ADARB2: variants seen among roughly 807,000 people sequenced by gnomAD.
ADARB2 encodes adenosine deaminase RNA specific B2 (inactive).
ADARB2 carries 25 observed loss-of-function variants against 62.2 expected under a neutral mutation model. The observed-to-expected ratio is 0.40, with a 90% CI of 0.29 to 0.56. The LOEUF is 0.56. Among genes scored for constraint, ADARB2 ranks in the 20% least tolerant of loss-of-function variants. The pLI is 0.43. For synonymous variants in ADARB2, 572 were observed against 500.8 expected (o/e 1.14, Z -1.90); for missense variants, 1,071 against 1,077.4 (o/e 0.99, Z 0.08).
In ADARB2 at chr10:1,344,509, G is replaced by A. The variant is rs1468640301; in HGVS notation, c.1077+18519C>T. The stretch of plus-strand genomic sequence containing the variant: ...CAAGAATTGTCACAAAGCATAAATG[G>A]GCGCTGAACGCTGAGTATAAGAGGG... On this transcript the variant is annotated intron_variant, in intron 3 of 9. Coordinates refer to ENST00000381312, the MANE Select transcript of ADARB2 (RefSeq NM_018702.4). 2.9e-4 allele frequency among the ~76,000 whole-genome samples: 44 copies of A among 152,216 alleles called. 1 individual carries two copies. Among genetic ancestry groups the A allele is most frequent in the Admixed American group, 2.9e-3 (44 of 15,286 alleles).
intron 3 of ADARB2, among the ~76,000 whole-genome samples, chr10:1,293,974 G>C (rs925907786): frequency 6.6e-6 from 1 of 151,994 alleles, no homozygotes; most frequent in Non-Finnish European, 1.5e-5. Flanking sequence ...GCTTGCAGGG[G>C]GGCGGGGGCA....
intron 1 of ADARB2, among the ~76,000 whole-genome samples, chr10:1,406,510 C>A (rs920506430): frequency 3.9e-5 from 6 of 152,202 alleles, no homozygotes; most frequent in African/African-American, 1.4e-4. Flanking sequence ...GGCTTCCCTA[C>A]CTGGGGACCA....
intron 1 of ADARB2, among the ~76,000 whole-genome samples, chr10:1,718,980 T>C (rs774407772): frequency 1.6e-5 from 2 of 123,268 alleles, no homozygotes; most frequent in South Asian, 2.2e-4. Context: ...TTCTTTTTGT[T>C]GTTGTTGTTG....
Position 1,624,418 on chromosome 10 carries a change from C to T in ADARB2, c.100+112633G>A, listed in dbSNP as rs74108965. ...CTGCCTGGTCTCCTACCCGTGGCTC[C>T]GAGCACAGCCCCACAGCTGGGAGCC... On this transcript the variant is annotated intron_variant, in intron 1 of 9. Coordinates refer to ENST00000381312, the MANE Select transcript of ADARB2 (RefSeq NM_018702.4). Among the ~76,000 whole-genome samples the T allele has an allele frequency of 5.2e-3, 795 of 152,286 alleles. 1 individual carries two copies. The highest frequency in any genetic ancestry group is 0.018 in the African/African-American group (751 of 41,546).
At chr10:1,443,226 G>T (rs1830925239) in intron 1 of ADARB2, among the ~76,000 whole-genome samples, 1 of 152,080 alleles carries the variant, frequency 6.6e-6, no homozygotes, top group Admixed American at 6.5e-5. Flanking sequence ...CTGTGCTTGG[G>T]ACTCATTTTT....
intron 1 of ADARB2, among the ~76,000 whole-genome samples, chr10:1,717,230 C>T (rs1331598107): frequency 6.8e-6 from 1 of 146,476 alleles, no homozygotes; most frequent in African/African-American, 2.6e-5. Flanking sequence ...CAGATTGGCC[C>T]ATGTATTTCT....
At chr10:1,445,405 ACATCCATCCATC>A (rs921348260) in intron 1 of ADARB2, among the ~76,000 whole-genome samples, 7 of 144,880 alleles carry the variant, frequency 4.8e-5, no homozygotes, top group Admixed American at 4.1e-4. Context: ...TCATCCATCT[ACATCCATCCATC>A]CTTCCATCTA....
rs1831075229 is a variant in ADARB2 at position 1,255,883 on chromosome 10, CA to C, written c.1193-13585del. Among the ~76,000 whole-genome samples the C allele has an allele frequency of 1.3e-5, 2 of 152,122 alleles. No homozygotes were observed. Among genetic ancestry groups the C allele is most frequent in the South Asian group, 4.1e-4 (2 of 4,838 alleles). ...CTGACACAGGCAGCATCCAGGCAGG[CA>C]AGCACATTGACAACCACATGTCAGC... is the stretch of plus-strand genomic sequence containing the variant. On this transcript the variant is annotated intron_variant, in intron 4 of 9. Transcript: ENST00000381312. The surrounding 1 kb of genome is among the most constrained non-coding windows in gnomAD (Gnocchi z 4.7).
chr10:1,518,173 A>C (rs1388627387), intron 1 of ADARB2, among the ~76,000 whole-genome samples: 1 of 152,236 alleles, frequency 6.6e-6, no homozygotes. Flanking sequence ...CTCCCCGATC[A>C]GATCAGAAGA....
At chr10:1,486,980 C>G (rs1186800590) in intron 1 of ADARB2, among the ~76,000 whole-genome samples, 1 of 152,252 alleles carries the variant, frequency 6.6e-6, no homozygotes, top group Admixed American at 6.5e-5. Context: ...AGACCTCCCA[C>G]ACAGACCTCT....
chr10:1,468,772 G>A (rs574394316), intron 1 of ADARB2, among the ~76,000 whole-genome samples: 78 of 152,348 alleles, frequency 5.1e-4, no homozygotes, highest in Non-Finnish European at 8.4e-4. Flanking sequence ...GCGACGGGGC[G>A]TGCATGGCAA....
At chr10:1,313,641 C>G (rs1440938511) in intron 3 of ADARB2, among the ~76,000 whole-genome samples, 1 of 152,140 alleles carries the variant, frequency 6.6e-6, no homozygotes, top group Non-Finnish European at 1.5e-5. Flanking sequence ...TTACCTCTGC[C>G]CAGCCAAGAT....
intron 1 of ADARB2, among the ~76,000 whole-genome samples, chr10:1,400,615 G>A (rs752238557): frequency 2.0e-4 from 30 of 152,296 alleles, no homozygotes; most frequent in Non-Finnish European, 2.2e-4. Context: ...ACACCATGCA[G>A]TAAAGCACCC....
At chr10:1,274,649 T>C (rs538746146) in intron 3 of ADARB2, among the ~76,000 whole-genome samples, 13 of 152,332 alleles carry the variant, frequency 8.5e-5, no homozygotes, top group Admixed American at 7.2e-4. Flanking sequence ...GGGAGTGCTC[T>C]GTCCCCTTAG....
At chr10:1,709,438 TATTTGG>T (rs1226274107) in intron 1 of ADARB2, among the ~76,000 whole-genome samples, 2 of 152,256 alleles carry the variant, frequency 1.3e-5, no homozygotes, top group African/African-American at 4.8e-5. Flanking sequence ...TTGTGAATCT[TATTTGG>T]ATTTGAATTC....
intron 1 of ADARB2, among the ~76,000 whole-genome samples, chr10:1,496,774 C>G (rs1831697868): frequency 6.6e-6 from 1 of 152,120 alleles, no homozygotes; most frequent in African/African-American, 2.4e-5. Context: ...TCACCAGCAT[C>G]ATCATCACCG....
intron 1 of ADARB2, among the ~76,000 whole-genome samples, chr10:1,670,126 C>T (rs750415604): frequency 1.4e-4 from 21 of 152,218 alleles, no homozygotes; most frequent in Non-Finnish European, 2.8e-4. Context: ...CTACACTAAA[C>T]ATTTTGAATA....
intron 1 of ADARB2, among the ~76,000 whole-genome samples, chr10:1,703,462 G>A (rs910484893): frequency 3.9e-5 from 6 of 152,142 alleles, no homozygotes; most frequent in Non-Finnish European, 8.8e-5. Context: ...TAAGACAAGA[G>A]AAATAGTAGT....
intron 2 of ADARB2, among the ~76,000 whole-genome samples, chr10:1,367,213 A>T (rs773802221): frequency 5.9e-5 from 9 of 152,140 alleles, no homozygotes; most frequent in Non-Finnish European, 8.8e-5. Context: ...CGGGGTGAAA[A>T]CATCCGGCTC....
Sources: allele counts gnomAD v4.1 joint callset (sites outside exome capture counted in the v4.1 genomes callset), GRCh38; gene constraint gnomAD v4.1.1; non-coding constraint Gnocchi (gnomAD v3.1); transcripts MANE v1.5; gene names NCBI Gene and HGNC (gene_info 2026-07-23, HGNC 2026-07-21).